The following MBP variants were observed in gnomAD, a reference collection of about 807,000 sequenced individuals.
The protein encoded by MBP is myelin basic protein, also known as Golli-MBP.
A neutral mutation model predicts 35.8 loss-of-function variants in MBP; 16 were observed. The observed-to-expected ratio is 0.45, with a 90% confidence interval of 0.30 to 0.68. The LOEUF is 0.68. Ranked by LOEUF, MBP falls within the 30% of genes least tolerant of loss-of-function variation. MBP has a pLI of 0.08. For synonymous variants in MBP, 143 were observed against 159.6 expected (o/e 0.90, Z 0.78); for missense variants, 380 against 404.7 (o/e 0.94, Z 0.52).
chr18:77,049,013 G>A (rs532410269), intron 3 of MBP, among the ~76,000 whole-genome samples: 5 of 151,804 alleles, frequency 3.3e-5, no homozygotes, highest in Non-Finnish European at 5.9e-5. Context: ...TCCGCCTCCC[G>A]GGTTCAGGCC....
At chr18:77,103,824 C>A (rs1976144801) in intron 2 of MBP, among the ~76,000 whole-genome samples, 1 of 152,174 alleles carries the variant, frequency 6.6e-6, no homozygotes, top group Admixed American at 6.5e-5. Context: ...GGAAAAGGGT[C>A]CAGAACCCCG....
chr18:77,089,646 T>TGTGGCAGTTCGTGGGA (rs1227233215), intron 2 of MBP, among the ~76,000 whole-genome samples: 2 of 152,216 alleles, frequency 1.3e-5, no homozygotes, highest in African/African-American at 4.8e-5. Flanking sequence ...GCATTCAGCA[T>TGTGGCAGTTCGTGGGA]GTGGCAGTTC....
At chr18:77,061,404 T>C (rs8094289) in intron 3 of MBP, among the ~76,000 whole-genome samples, 148,808 of 152,338 alleles carry the variant, frequency 0.98, 72,773 homozygotes, top group East Asian at 1. Flanking sequence ...CTGAGTACTG[T>C]GAGGAGATGG....
intron 3 of MBP, among the ~76,000 whole-genome samples, chr18:77,047,458 C>G (rs764697735): frequency 4.6e-5 from 7 of 152,086 alleles, no homozygotes; most frequent in Non-Finnish European, 1.5e-5. Context: ...TCGCAGTGGC[C>G]GGGGGCTGGG....
In MBP at chr18:77,010,247, A is replaced by G. The variant is rs1300456575; in HGVS notation, c.576+6585T>C. On this transcript the variant is annotated intron_variant, in intron 4 of 8. Transcript: ENST00000355994. ...CTATTCTGAGGCCCTGTATCAAACA[A>G]TGGGACCAAGAGTTCTTAATATGGC... is the stretch of plus-strand genomic sequence containing the variant. 1.4e-5 allele frequency: 5 copies of G among 346,280 alleles called. 1 individual carries two copies. The highest frequency in any genetic ancestry group is 1.1e-4 in the South Asian group (3 of 26,134). 21.5% of individuals were successfully genotyped at this position (346,280 alleles called of 1,614,324 possible).
At position 77,043,585 on chromosome 18, in the gene MBP, C is replaced by T. The variant is rs77138839; in HGVS notation, c.139+22713G>A. 6.5e-4 allele frequency among the ~76,000 whole-genome samples: 15 copies of T among 23,174 alleles called. No individual in the cohort carries two copies. In the East Asian group the frequency reaches 0.3, roughly 456 times the overall value. The allele number at this position is 23,174 out of a possible 152,430, so 15.2% of individuals were successfully genotyped here. A position where few individuals can be genotyped will look rare whatever the true frequency, so the allele number is the denominator to read the frequency against. On this transcript the variant is annotated intron_variant, in intron 3 of 8. Transcript: ENST00000355994. Reference sequence around the variant, plus strand: ...TCCTGCTGCGATCATCCCAGGCCAGCGTGACACTCAGCAGCGTGGACGTCT... The same window carrying T: ...TCCTGCTGCGATCATCCCAGGCCAGTGTGACACTCAGCAGCGTGGACGTCT...
intron 4 of MBP, among the ~76,000 whole-genome samples, chr18:76,993,381 C>CG (rs112579591): frequency 0.64 from 96,789 of 151,650 alleles, 31,375 homozygotes; most frequent in East Asian, 0.88. Context: ...GGTGAAACCC[C>CG]TCTCTACTAA....
chr18:77,066,170 T>C, intron 3 of MBP, 128 bp downstream of exon 3: 1 of 680,134 alleles, frequency 1.5e-6, no homozygotes, highest in Non-Finnish European at 2.6e-6. Context: ...CCTCTATGTT[T>C]TAGTAATGAG....
In MBP at chr18:76,978,843, A is replaced by C. The variant is rs1019502485; in HGVS notation, c.*1584T>G. On this transcript the variant is annotated 3_prime_UTR_variant, in exon 9 of 9. Transcript: ENST00000355994. ...AGACACCCATGCAAATACCATTAAA[A>C]GTTTATTGTTTTATTTCAATATTCA... 1 of 152,188 alleles carries C rather than the reference A, an allele frequency of 6.6e-6. No individual in the cohort carries two copies. Among genetic ancestry groups the C allele is most frequent in the African/African-American group, 2.4e-5 (1 of 41,446 alleles). 9.4% of individuals were successfully genotyped at this position (152,188 alleles called of 1,614,324 possible). A position where few individuals can be genotyped will look rare whatever the true frequency, so the allele number is the denominator to read the frequency against.
chr18:77,005,367 T>C (rs1279513228), intron 4 of MBP: 1 of 152,272 alleles, frequency 6.6e-6, no homozygotes, highest in African/African-American at 2.4e-5. Flanking sequence ...CATGTTGCCA[T>C]GGCGTCTCCA....
At chr18:77,043,345 C>G (rs1973091717) in intron 3 of MBP, among the ~76,000 whole-genome samples, 1 of 152,142 alleles carries the variant, frequency 6.6e-6, no homozygotes, top group Non-Finnish European at 1.5e-5. Context: ...AATTAATAAA[C>G]AGTTCTTCAA....
At chr18:77,011,252 T>A (rs1971328575) in intron 4 of MBP, among the ~76,000 whole-genome samples, 1 of 152,078 alleles carries the variant, frequency 6.6e-6, no homozygotes, top group Non-Finnish European at 1.5e-5. Flanking sequence ...TTAGAGGAGG[T>A]CTCCGTGGAT....
chr18:77,132,303 T>C (rs902799926), intron 1 of MBP, among the ~76,000 whole-genome samples: 1 of 151,996 alleles, frequency 6.6e-6, no homozygotes, highest in African/African-American at 2.4e-5. Context: ...CCCCGCGCAA[T>C]GGGGATCGGG....
chr18:77,016,154 T>G (rs1971614253), intron 4 of MBP: 1 of 567,036 alleles, frequency 1.8e-6, no homozygotes. Flanking sequence ...CATAGCAGAG[T>G]TTTTTTTTTT....
At chr18:77,092,301 G>A (rs1320524772) in intron 2 of MBP, among the ~76,000 whole-genome samples, 1 of 152,118 alleles carries the variant, frequency 6.6e-6, no homozygotes, top group Non-Finnish European at 1.5e-5. Context: ...TCTGTCCCTC[G>A]CGGGGGCATC....
intron 4 of MBP, chr18:77,005,883 G>A (rs1394443809): frequency 1.3e-5 from 2 of 152,314 alleles, no homozygotes; most frequent in African/African-American, 4.8e-5. Flanking sequence ...CAGAGGACGA[G>A]GCTCCTGTGG....
At chr18:77,088,676 T>A (rs1975373220) in intron 2 of MBP, among the ~76,000 whole-genome samples, 1 of 152,236 alleles carries the variant, frequency 6.6e-6, no homozygotes, top group African/African-American at 2.4e-5. Flanking sequence ...CTGGTTTTTA[T>A]AATAATACAA....
chr18:77,053,552 G>C (rs1218642586), intron 3 of MBP, among the ~76,000 whole-genome samples: 1 of 92,014 alleles, frequency 1.1e-5, no homozygotes, highest in East Asian at 3.9e-4. Flanking sequence ...AAGCACACAC[G>C]GGTACTCTTA....
In MBP at chr18:77,126,753, A is replaced by T. The variant is rs1028364041; in HGVS notation, c.-26+5827T>A. Among the ~76,000 whole-genome samples the T allele has an allele frequency of 5.3e-5, 8 of 152,242 alleles. 1 individual carries two copies. The highest frequency in any genetic ancestry group is 1.9e-4 in the African/African-American group (8 of 41,474). On this transcript the variant is annotated intron_variant, in intron 1 of 8. Coordinates refer to ENST00000355994, the MANE Select transcript of MBP (RefSeq NM_001025101.2). ...TCTACCTACTCCACAATAAACGTGG[A>T]AACTGAAGTTAAGACACAATGCCAT...
Sources: gnomAD v4.1 joint callset for allele counts (sites outside exome capture counted in the v4.1 genomes callset) on GRCh38, gnomAD v4.1.1 for gene constraint, MANE v1.5 for transcripts, NCBI Gene and HGNC (gene_info 2026-07-23, HGNC 2026-07-21) for gene names.